CACNA2D1: variants seen among roughly 807,000 people sequenced by gnomAD.
CACNA2D1 encodes the protein calcium voltage-gated channel auxiliary subunit alpha2delta 1, also known as voltage-dependent calcium channel subunit alpha-2/delta-1.
Under a neutral mutation model 171.5 loss-of-function variants are expected in CACNA2D1, and 53 were observed. The ratio of observed to expected loss-of-function variants is 0.31; its 90% CI spans 0.25 to 0.39. The LOEUF (loss-of-function observed/expected upper bound fraction) is 0.39. Among genes scored for constraint, CACNA2D1 ranks in the 10% least tolerant of loss-of-function variants. The probability of loss-of-function intolerance (pLI) is 1.00; values close to 1 mark genes in which losing one functional copy is unlikely to be tolerated. For synonymous variants in CACNA2D1, 442 were observed against 443.1 expected, an observed-to-expected ratio of 1.00 and a Z score of 0.03; for missense variants, 903 against 1,299.8, an observed-to-expected ratio of 0.69 and a Z score of 4.69.
chr7:82,180,937 G>A (rs1797060574), intron 3 of CACNA2D1, among the ~76,000 whole-genome samples: 1 of 149,938 alleles, frequency 6.7e-6, no homozygotes, highest in Non-Finnish European at 1.5e-5. Context: ...AGGTGTTGCA[G>A]ATTGGCTAGT....
At chr7:82,310,524 C>G (rs1310746177) in intron 3 of CACNA2D1, among the ~76,000 whole-genome samples, 1 of 151,808 alleles carries the variant, frequency 6.6e-6, no homozygotes, top group Admixed American at 6.6e-5. Flanking sequence ...TTAAATTGAG[C>G]CTTCATATCA....
chr7:82,002,293 G>A (rs1364815352), intron 18 of CACNA2D1, among the ~76,000 whole-genome samples: 1 of 152,088 alleles, frequency 6.6e-6, no homozygotes, highest in African/African-American at 2.4e-5. Context: ...AGAGTGAGAA[G>A]ATGGCTGTCT....
At chr7:82,419,913 AT>A (rs1828561640) in intron 1 of CACNA2D1, among the ~76,000 whole-genome samples, 1 of 152,136 alleles carries the variant, frequency 6.6e-6, no homozygotes, top group South Asian at 2.1e-4. Context: ...ATCTGGTGAC[AT>A]TTTTTATTGT....
At chr7:82,147,600 T>C (rs1343252661) in intron 4 of CACNA2D1, among the ~76,000 whole-genome samples, 1 of 152,184 alleles carries the variant, frequency 6.6e-6, no homozygotes, top group Non-Finnish European at 1.5e-5. Flanking sequence ...CCCACAGATC[T>C]TCTTGACTCA....
intron 10 of CACNA2D1, among the ~76,000 whole-genome samples, chr7:82,049,198 G>A (rs1045460525): frequency 6.9e-6 from 1 of 145,488 alleles, no homozygotes; most frequent in African/African-American, 2.5e-5. Context: ...AACTAAATTT[G>A]TCCTTTTCTT....
chr7:82,278,671 T>G (rs1463983654), intron 3 of CACNA2D1, among the ~76,000 whole-genome samples: 1 of 151,904 alleles, frequency 6.6e-6, no homozygotes, highest in Non-Finnish European at 1.5e-5. Context: ...ATAAAACTCA[T>G]GAACCCTTTT....
intron 16 of CACNA2D1, among the ~76,000 whole-genome samples, chr7:82,006,309 A>G (rs1238680513): frequency 6.6e-5 from 10 of 152,038 alleles, no homozygotes; most frequent in Non-Finnish European, 2.9e-5. Context: ...GTATGTAACT[A>G]TCCTAAAAGT....
chr7:82,326,099 T>G (rs1816618170), intron 3 of CACNA2D1, among the ~76,000 whole-genome samples: 1 of 152,202 alleles, frequency 6.6e-6, no homozygotes, highest in South Asian at 2.1e-4. Context: ...GAGGTTCCGG[T>G]CACCCAACAC....
At chr7:82,166,103 G>C (rs1584975678) in intron 4 of CACNA2D1, among the ~76,000 whole-genome samples, 4 of 151,964 alleles carry the variant, frequency 2.6e-5, no homozygotes, top group East Asian at 3.9e-4. Flanking sequence ...AATGAATAAG[G>C]ATAGATGAAA....
intron 3 of CACNA2D1, among the ~76,000 whole-genome samples, chr7:82,235,040 G>A (rs1017426040): frequency 6.6e-6 from 1 of 152,120 alleles, no homozygotes; most frequent in Non-Finnish European, 1.5e-5. Context: ...GACCTGAGGT[G>A]AAATTTGAGA....
intron 4 of CACNA2D1, among the ~76,000 whole-genome samples, chr7:82,143,719 A>C (rs1792661547): frequency 6.6e-6 from 1 of 152,154 alleles, no homozygotes; most frequent in Non-Finnish European, 1.5e-5. Context: ...TCCAGTCTAC[A>C]TGTACACCTC....
rs186607713 is a variant in CACNA2D1 at position 82,386,835 on chromosome 7, A to G, written c.96-37186T>C. Among the ~76,000 whole-genome samples, 13 of 151,800 alleles carry G rather than the reference A, an allele frequency of 8.6e-5. No individual in the cohort carries two copies. The East Asian group carries it at 2.3e-3, about 27-fold the overall frequency. Reference sequence around the variant, plus strand: ...GTGCAAATATAAATAGTGAAATAAAATACTGCCCTACATCCATTTAAAGAC... The same window carrying G: ...GTGCAAATATAAATAGTGAAATAAAGTACTGCCCTACATCCATTTAAAGAC... On this transcript the variant is annotated intron_variant, in intron 1 of 38. Transcript: ENST00000356860.
chr7:82,259,730 G>T (rs1239895845), intron 3 of CACNA2D1, among the ~76,000 whole-genome samples: 2 of 152,168 alleles, frequency 1.3e-5, no homozygotes, highest in East Asian at 1.9e-4. Flanking sequence ...GCCCTTCACT[G>T]CATAAACTGC....
chr7:81,974,865 G>C (rs1355739435), intron 24 of CACNA2D1, among the ~76,000 whole-genome samples: 2 of 151,758 alleles, frequency 1.3e-5, no homozygotes, highest in Non-Finnish European at 2.9e-5. Context: ...AGAAATCTTG[G>C]GGCATCGGGG....
intron 1 of CACNA2D1, among the ~76,000 whole-genome samples, chr7:82,391,975 G>A (rs557672327): frequency 6.6e-6 from 1 of 152,286 alleles, no homozygotes; most frequent in African/African-American, 2.4e-5. Context: ...ATAGTGGCAA[G>A]AAGCAGACTA....
intron 3 of CACNA2D1, among the ~76,000 whole-genome samples, chr7:82,193,673 G>C (rs1267227544): frequency 5.3e-5 from 8 of 151,878 alleles, no homozygotes; most frequent in African/African-American, 1.9e-4. Context: ...ACAATGTTTC[G>C]CAGGTTTGCT....
At chr7:82,017,587 A>T (rs986166671) in intron 12 of CACNA2D1, among the ~76,000 whole-genome samples, 4 of 151,518 alleles carry the variant, frequency 2.6e-5, no homozygotes, top group African/African-American at 9.7e-5. Context: ...CACAGAGATG[A>T]TTGATACCCT....
intron 12 of CACNA2D1, among the ~76,000 whole-genome samples, chr7:82,031,409 A>C (rs2131140383): frequency 6.6e-6 from 1 of 152,054 alleles, no homozygotes; most frequent in South Asian, 2.1e-4. Context: ...ATATTCGTAG[A>C]ATCTAGTTAT....
At chr7:82,079,858 G>A (rs1021678525) in intron 7 of CACNA2D1, among the ~76,000 whole-genome samples, 2 of 151,784 alleles carry the variant, frequency 1.3e-5, no homozygotes, top group Non-Finnish European at 2.9e-5. Flanking sequence ...TCATATAAAC[G>A]GTGACTTTAG....
Sources: gnomAD v4.1 joint callset for allele counts (sites outside exome capture counted in the v4.1 genomes callset) on GRCh38, gnomAD v4.1.1 for gene constraint, MANE v1.5 for transcripts, NCBI Gene and HGNC (gene_info 2026-07-23, HGNC 2026-07-21) for gene names.